The following YIPF4 variants were observed in gnomAD, a reference collection of about 807,000 sequenced individuals.
YIPF4 encodes the protein Yip1 domain family member 4.
YIPF4 carries 18 observed loss-of-function variants against 29.4 expected under a neutral mutation model. The observed-to-expected ratio is 0.61, with a 90% CI of 0.42 to 0.91. YIPF4 has a LOEUF of 0.91. YIPF4 is among the 40% of genes least tolerant of loss of function. YIPF4 has a pLI of 0.00. For missense variants in YIPF4, 279 were observed against 282.7 expected, an observed-to-expected ratio of 0.99 and a Z score of 0.09; for synonymous variants, 115 against 104.7, an observed-to-expected ratio of 1.10 and a Z score of -0.60.
chr2:32,307,392 A>C lies in YIPF4; in HGVS notation c.*1766A>C, dbSNP rs556759219. Reference sequence around the variant, plus strand: ...CTATTAAAAAATGGTTTAATTTTTAAAAACTATCATTGCTTTAAGGTATGA... The same window carrying C: ...CTATTAAAAAATGGTTTAATTTTTACAAACTATCATTGCTTTAAGGTATGA... On this transcript the variant is annotated 3_prime_UTR_variant, in exon 6 of 6. Transcript: ENST00000238831. The C allele has an allele frequency of 5.5e-6, 1 of 183,372 alleles. No homozygotes were observed. The highest frequency in any genetic ancestry group is 1.2e-4 in the South Asian group (1 of 8,486). The allele number at this position is 183,372 out of a possible 1,614,324, so 11.4% of individuals were successfully genotyped here.
chr2:32,299,780 G>A (rs2031328537), intron 4 of YIPF4, among the ~76,000 whole-genome samples: 1 of 152,110 alleles, frequency 6.6e-6, no homozygotes, highest in Admixed American at 6.5e-5. Context: ...CCACTGCACT[G>A]TAGCCTGGCC....
At chr2:32,283,547 C>G (rs565717389) in intron 1 of YIPF4, among the ~76,000 whole-genome samples, 1 of 152,262 alleles carries the variant, frequency 6.6e-6, no homozygotes, top group South Asian at 2.1e-4. Flanking sequence ...AAGTTAAAAC[C>G]TAAGACTGAA....
rs2031610134 is a variant in YIPF4, at chr2:32,307,244, T to C, written c.*1618T>C. On this transcript the variant is annotated 3_prime_UTR_variant, in exon 6 of 6. Transcript: ENST00000238831. Reference sequence around the variant, plus strand: ...AATTGCTGAGGTTAATACTTTGTTATAATGGATTATAATATTTGACATTCA... The same window carrying C: ...AATTGCTGAGGTTAATACTTTGTTACAATGGATTATAATATTTGACATTCA... 1 of 774,424 alleles carries C rather than the reference T, an allele frequency of 1.3e-6. No homozygotes were observed. Among genetic ancestry groups the C allele is most frequent in the African/African-American group, 1.9e-5 (1 of 52,084 alleles). The allele number at this position is 774,424 out of a possible 1,614,324, so 48.0% of individuals were successfully genotyped here. A position where few individuals can be genotyped will look rare whatever the true frequency, so the allele number is the denominator to read the frequency against.
chr2:32,312,088 G>A lies in YIPF4; in HGVS notation c.*6462G>A, dbSNP rs537860469. On this transcript the variant is annotated 3_prime_UTR_variant, in exon 6 of 6. Transcript: ENST00000238831. Reference sequence around the variant, plus strand: ...CATGTGATAATTATAGTCTCTTCATGGAAAACAGTAAAAATACTCACGTTT... The same window carrying A: ...CATGTGATAATTATAGTCTCTTCATAGAAAACAGTAAAAATACTCACGTTT... The A allele has an allele frequency of 1.1e-4, 16 of 152,242 alleles. No individual in the cohort carries two copies. Among genetic ancestry groups the A allele is most frequent in the African/African-American group, 3.6e-4 (15 of 41,532 alleles). The allele number at this position is 152,242 out of a possible 1,614,324, so 9.4% of individuals were successfully genotyped here. A position where few individuals can be genotyped will look rare whatever the true frequency, so the allele number is the denominator to read the frequency against.
In YIPF4 at chr2:32,309,907, C is replaced by CT. The variant is rs1300776935; in HGVS notation, c.*4283dup. On this transcript the variant is annotated 3_prime_UTR_variant, in exon 6 of 6. Coordinates refer to ENST00000238831, the MANE Select transcript of YIPF4 (RefSeq NM_032312.4). Reference sequence around the variant, plus strand: ...GTTTCACCATGTTGGCCAGGCTGGTCTTAAACTCCTGACCTCAGGTGATCC... The same window carrying CT: ...GTTTCACCATGTTGGCCAGGCTGGTCTTTAAACTCCTGACCTCAGGTGATCC... The CT allele has an allele frequency of 1.3e-5, 2 of 152,082 alleles. No homozygotes were observed. Among genetic ancestry groups the CT allele is most frequent in the Non-Finnish European group, 2.9e-5 (2 of 68,034 alleles). The allele number at this position is 152,082 out of a possible 1,614,324, so 9.4% of individuals were successfully genotyped here.
intron 1 of YIPF4, among the ~76,000 whole-genome samples, chr2:32,288,444 CAT>C (rs1409211253): frequency 6.6e-6 from 1 of 152,168 alleles, no homozygotes; most frequent in Non-Finnish European, 1.5e-5. Context: ...TTTCCAGCCT[CAT>C]AACTGCAAAA....
intron 3 of YIPF4, among the ~76,000 whole-genome samples, chr2:32,294,580 A>T (rs2031091458): frequency 6.8e-6 from 1 of 147,614 alleles, no homozygotes; most frequent in Admixed American, 6.8e-5. Context: ...CTCACTTTCC[A>T]GACTGGGCAG....
intron 3 of YIPF4, among the ~76,000 whole-genome samples, chr2:32,295,164 T>C (rs2031129975): frequency 6.6e-6 from 1 of 152,338 alleles, no homozygotes; most frequent in East Asian, 1.9e-4. Flanking sequence ...TCAGTATTTG[T>C]TTTTATATTA....
rs1181754167 is a variant in YIPF4, at chr2:32,310,164, AC to A, written c.*4540del. The A allele has an allele frequency of 6.6e-6, 1 of 152,012 alleles. No individual in the cohort carries two copies. Among genetic ancestry groups the A allele is most frequent in the Admixed American group, 6.6e-5 (1 of 15,248 alleles). The allele number at this position is 152,012 out of a possible 1,614,324, so 9.4% of individuals were successfully genotyped here. A position where few individuals can be genotyped will look rare whatever the true frequency, so the allele number is the denominator to read the frequency against. The stretch of plus-strand genomic sequence containing the variant: ...CTTCATAAATGGTTTCTTTAATTGA[AC>A]CTTTGAGCCTTATACTATTTTTAAA... On this transcript the variant is annotated 3_prime_UTR_variant, in exon 6 of 6. Coordinates refer to ENST00000238831, the MANE Select transcript of YIPF4 (RefSeq NM_032312.4).
At chr2:32,280,037 G>A (rs1045544501) in intron 1 of YIPF4, among the ~76,000 whole-genome samples, 1 of 150,304 alleles carries the variant, frequency 6.7e-6, no homozygotes, top group African/African-American at 2.4e-5. Flanking sequence ...GCTGGAGACC[G>A]TCTGGTGGCT....
intron 1 of YIPF4, among the ~76,000 whole-genome samples, chr2:32,279,633 T>A (rs2030297570): frequency 1.3e-5 from 2 of 150,236 alleles, no homozygotes; most frequent in Non-Finnish European, 3.0e-5. Context: ...ATGGTCTCGA[T>A]CTCCTGACCT....
chr2:32,278,199 G>A lies in YIPF4; in HGVS notation c.44G>A (p.Gly15Glu). The change falls in exon 1 of 6, where the codon GGG (glycine) becomes GAG (glutamate). Residue 15 changes from glycine to glutamate, a missense_variant. Transcript: ENST00000238831. ...CCCCCGGCCTATGCCCCCACTAACG[G>A]GGACTTCACCTTTGTCTCCTCAGCA... ...GPPPAYAPTN[G>E]DFTFVSSADA... 6.4e-7 allele frequency: 1 copy of A among 1,574,196 alleles called. No homozygotes were observed. Among genetic ancestry groups the A allele is most frequent in the Non-Finnish European group, 8.6e-7 (1 of 1,160,486 alleles).
intron 1 of YIPF4, 129 bp from the exon 2 acceptor site, chr2:32,290,354 T>C (rs1020489807): frequency 4.0e-5 from 22 of 546,766 alleles, no homozygotes; most frequent in Non-Finnish European, 5.4e-5. Flanking sequence ...AATTTGAAGA[T>C]TATATGCAAT....
At chr2:32,286,594 G>A (rs56349188) in intron 1 of YIPF4, among the ~76,000 whole-genome samples, 11,050 of 151,828 alleles carry the variant, frequency 0.073, 435 homozygotes, top group Middle Eastern at 0.11. Context: ...TTGGCAGGCT[G>A]GAGTGCAGTG....
At chr2:32,288,722 A>G (rs1365320623) in intron 1 of YIPF4, among the ~76,000 whole-genome samples, 1 of 152,186 alleles carries the variant, frequency 6.6e-6, no homozygotes, top group African/African-American at 2.4e-5. Context: ...AGGCAGGAGA[A>G]TTACTTGAAC....
intron 3 of YIPF4, among the ~76,000 whole-genome samples, chr2:32,293,786 G>A (rs998982164): frequency 6.7e-6 from 1 of 148,678 alleles, no homozygotes; most frequent in Non-Finnish European, 1.5e-5. Context: ...CCCAGTAGGG[G>A]CGGCTGGGCA....
chr2:32,306,328 T>C lies in YIPF4; in HGVS notation c.*702T>C. On this transcript the variant is annotated 3_prime_UTR_variant, in exon 6 of 6. Coordinates refer to ENST00000238831, the MANE Select transcript of YIPF4 (RefSeq NM_032312.4). ...TTGGGTATACTTTTCAAAACCATTTTTGAATGTCCAAACATCTGATTTAAA... is the reference window on the plus strand; with the variant it reads ...TTGGGTATACTTTTCAAAACCATTTCTGAATGTCCAAACATCTGATTTAAA... The C allele has an allele frequency of 5.1e-6, 5 of 985,832 alleles. No homozygotes were observed. The highest frequency in any genetic ancestry group is 6.0e-6 in the Non-Finnish European group (5 of 829,896). 61.1% of individuals were successfully genotyped at this position (985,832 alleles called of 1,614,324 possible). A position where few individuals can be genotyped will look rare whatever the true frequency, so the allele number is the denominator to read the frequency against.
intron 1 of YIPF4, among the ~76,000 whole-genome samples, chr2:32,286,812 C>A (rs901100936): frequency 1.3e-5 from 2 of 152,098 alleles, no homozygotes; most frequent in African/African-American, 4.8e-5. Context: ...GATTACAGAC[C>A]TGAGCCACCC....
chr2:32,289,042 G>C (rs926163690), intron 1 of YIPF4, among the ~76,000 whole-genome samples: 1 of 152,120 alleles, frequency 6.6e-6, no homozygotes, highest in African/African-American at 2.4e-5. Flanking sequence ...TTTCAACTTA[G>C]ACAAAGAAGT....
Sources: allele counts gnomAD v4.1 joint callset (sites outside exome capture counted in the v4.1 genomes callset), GRCh38; gene constraint gnomAD v4.1.1; transcripts MANE v1.5; gene names NCBI Gene and HGNC (gene_info 2026-07-23, HGNC 2026-07-21).